Variants in KLF17 observed in about 807,000 individuals in gnomAD.
The protein encoded by KLF17 is Krueppel-like factor 17.
In KLF17, 31 loss-of-function variants were observed where a neutral mutation model predicts 34.2. That is an observed-to-expected ratio of 0.91 (90% CI 0.68 to 1.22). The LOEUF (loss-of-function observed/expected upper bound fraction) is 1.22. KLF17 is among the 50% of genes most tolerant of loss of function. The probability of loss-of-function intolerance (pLI) is 0.00; values close to 1 mark genes in which losing one functional copy is unlikely to be tolerated. For missense variants in KLF17, 478 were observed against 505.2 expected (o/e 0.95, Z 0.52); for synonymous variants, 179 against 186.7 (o/e 0.96, Z 0.34).
the KLF17 span, among the ~76,000 whole-genome samples, chr1:44,055,714 T>A: frequency 2.0e-5 from 3 of 152,322 alleles, no homozygotes; most frequent in East Asian, 5.8e-4. Context: ...AACCCAATGT[T>A]AATTACATGT....
At chr1:44,116,268 C>T (rs2087878355), upstream of KLF17, among the ~76,000 whole-genome samples, 2 of 152,150 alleles carry the variant, frequency 1.3e-5, no homozygotes, top group Admixed American at 1.3e-4. Flanking sequence ...AGCCCCACTC[C>T]ATACTAGTAG....
chr1:44,131,685 T>C (rs1163740168), intron 3 of KLF17, among the ~76,000 whole-genome samples: 2 of 152,120 alleles, frequency 1.3e-5, no homozygotes, highest in African/African-American at 2.4e-5. Context: ...GCTAGCAAAC[T>C]TAGAAGTGTG....
At chr1:44,108,999 T>G in the KLF17 span, among the ~76,000 whole-genome samples, 2 of 152,154 alleles carry the variant, frequency 1.3e-5, no homozygotes, top group African/African-American at 4.8e-5. Flanking sequence ...GATTGTTTAT[T>G]TGTGAGATCA....
intron 1 of KLF17, among the ~76,000 whole-genome samples, chr1:44,127,523 CTCCCTCCT>C (rs1001235093): frequency 6.8e-6 from 1 of 147,194 alleles, no homozygotes; most frequent in African/African-American, 2.4e-5. Context: ...CCTTCCCTCC[CTCCCTCCT>C]TCCCTCCTTC....
intron 1 of KLF17, among the ~76,000 whole-genome samples, chr1:44,125,908 G>C (rs2154311586): frequency 6.6e-6 from 1 of 152,320 alleles, no homozygotes; most frequent in East Asian, 1.9e-4. Flanking sequence ...ATTGGGGGTT[G>C]AGTTGCCATA....
chr1:44,104,284 C>G, the KLF17 span: 61 of 1,074,682 alleles, frequency 5.7e-5, no homozygotes, highest in Non-Finnish European at 6.9e-5. Context: ...TTGCCAAGCT[C>G]CGTCTCCAGC....
At chr1:44,069,957 A>G in the KLF17 span, 1 of 152,098 alleles carries the variant, frequency 6.6e-6, no homozygotes, top group Non-Finnish European at 1.5e-5. The surrounding 1 kb of genome is among the most constrained non-coding windows in gnomAD (Gnocchi z 4.7). Context: ...TGCCTCCAGT[A>G]GCCCATGGGT....
the KLF17 span, among the ~76,000 whole-genome samples, chr1:44,064,130 T>C: frequency 6.6e-6 from 1 of 152,026 alleles, no homozygotes; most frequent in East Asian, 1.9e-4. Context: ...AAAAAATAAG[T>C]GAGAAGTTAG....
At chr1:44,052,958 C>T in the KLF17 span, among the ~76,000 whole-genome samples, 25 of 150,124 alleles carry the variant, frequency 1.7e-4, no homozygotes, top group East Asian at 5.9e-4. Flanking sequence ...TGGAGTGCAG[C>T]GGCAAGATCT....
the KLF17 span, among the ~76,000 whole-genome samples, chr1:44,100,653 TTGTTTTGTTC>T: frequency 1.6e-5 from 2 of 125,172 alleles, no homozygotes; most frequent in Non-Finnish European, 3.6e-5. Flanking sequence ...TTGTTTTGTT[TTGTTTTGTTC>T]TTGTTTTTTT....
chr1:44,053,815 A>G, the KLF17 span, among the ~76,000 whole-genome samples: 1 of 152,214 alleles, frequency 6.6e-6, no homozygotes, highest in South Asian at 2.1e-4. Context: ...TGCAAATATT[A>G]CTATCCACTT....
the KLF17 span, among the ~76,000 whole-genome samples, chr1:44,099,732 T>G: frequency 1.4e-5 from 2 of 140,686 alleles, no homozygotes; most frequent in Non-Finnish European, 3.1e-5. Flanking sequence ...GAGAATCACT[T>G]GAACCCAGGT....
chr1:44,106,697 T>G, the KLF17 span: 1 of 151,976 alleles, frequency 6.6e-6, no homozygotes, highest in Admixed American at 6.6e-5. Flanking sequence ...CAGGAGGGAA[T>G]AAAAAGGAGA....
chr1:44,062,579 C>T, the KLF17 span, among the ~76,000 whole-genome samples: 5 of 150,866 alleles, frequency 3.3e-5, no homozygotes, highest in Admixed American at 1.3e-4. Flanking sequence ...AAAAAAGCCA[C>T]GTGTAGTGGT....
the KLF17 span, among the ~76,000 whole-genome samples, chr1:44,080,078 G>A: frequency 7.7e-3 from 1,166 of 151,726 alleles, 13 homozygotes; most frequent in Middle Eastern, 0.054. Context: ...ACAGGTGCGT[G>A]CCACCATGCG....
chr1:44,100,291 A>AT, the KLF17 span, among the ~76,000 whole-genome samples: 1 of 151,078 alleles, frequency 6.6e-6, no homozygotes, highest in African/African-American at 2.4e-5. Context: ...AGAGAAAGAA[A>AT]TGACACTGGT....
At chr1:44,111,719 C>T in the KLF17 span, among the ~76,000 whole-genome samples, 1 of 151,968 alleles carries the variant, frequency 6.6e-6, no homozygotes, top group Non-Finnish European at 1.5e-5. Context: ...CGGTGAAACC[C>T]CATCTCTACT....
At chr1:44,119,513 A>C (rs917131050) in intron 1 of KLF17, among the ~76,000 whole-genome samples, 1 of 152,184 alleles carries the variant, frequency 6.6e-6, no homozygotes, top group Non-Finnish European at 1.5e-5. Flanking sequence ...GATATATATA[A>C]AATTGTATGA....
In KLF17 at chr1:44,118,880, TAG is replaced by T. The variant is rs765824520; in HGVS notation, c.-23_-22del. 1.1e-5 allele frequency: 17 copies of T among 1,582,364 alleles called. No individual in the cohort carries two copies. The highest frequency in any genetic ancestry group is 1.8e-5 in the Admixed American group (1 of 56,540). ...GGTGGCTGGTTCCCTGTCTCTTCAG[TAG>T]AGAGTCTAGACCCCACCCAGTCTTC... On this transcript the variant is annotated 5_prime_UTR_variant, in exon 1 of 4. The change creates a premature stop within an existing upstream ORF in the 5' untranslated region. Coordinates refer to ENST00000372299, the MANE Select transcript of KLF17 (RefSeq NM_173484.4).
Sources: allele counts gnomAD v4.1 joint callset (sites outside exome capture counted in the v4.1 genomes callset), GRCh38; gene constraint gnomAD v4.1.1; non-coding constraint Gnocchi (gnomAD v3.1); transcripts MANE v1.5; gene names NCBI Gene and HGNC (gene_info 2026-07-23, HGNC 2026-07-21).